Variants in KDM6A observed in about 807,000 individuals in gnomAD.
KDM6A encodes the protein lysine demethylase 6A.
A neutral mutation model predicts 117.6 loss-of-function variants in KDM6A; 11 were observed. That is an observed-to-expected ratio of 0.09 (90% confidence interval 0.06 to 0.15). The LOEUF (loss-of-function observed/expected upper bound fraction) is 0.15, where lower values mean the gene tolerates loss of function less well. KDM6A is among the 10% of genes least tolerant of loss of function. The pLI, the probability that KDM6A is intolerant of heterozygous loss-of-function variation, is 1.00. For synonymous variants in KDM6A, 384 were observed against 396.1 expected, an observed-to-expected ratio of 0.97 and a Z score of 0.36; for missense variants, 799 against 1,077.3, an observed-to-expected ratio of 0.74 and a Z score of 3.62.
rs1350363806 is a variant in KDM6A at position 45,089,680 on chromosome X, C to G, written c.3705-63C>G. 12 of 815,601 alleles carry G rather than the reference C, an allele frequency of 1.5e-5. No individual in the cohort carries two copies. In the Admixed American group the frequency reaches 3.2e-4, roughly 22 times the overall value. 67.2% of individuals were successfully genotyped at this position (815,601 alleles called of 1,213,427 possible). On this transcript the variant is annotated intron_variant, in intron 25 of 29. Coordinates refer to ENST00000611820, the MANE Select transcript of KDM6A (RefSeq NM_001291415.2). ...TTTAAAAAATTTGTGACATTTTCTT[C>G]CAGTCTTACTAGGAGCTTCTTAATG...
intron 2 of KDM6A, among the ~76,000 whole-genome samples, chrX:44,933,731 C>T (rs2036809094): frequency 9.1e-6 from 1 of 110,353 alleles, no homozygotes; most frequent in Non-Finnish European, 1.9e-5. Context: ...GTGCCCACCA[C>T]CATGCCTGGC....
At chrX:44,881,208 G>T (rs1011039605) in intron 2 of KDM6A, among the ~76,000 whole-genome samples, 3 of 112,775 alleles carry the variant, frequency 2.7e-5, no homozygotes, top group Non-Finnish European at 5.6e-5. Flanking sequence ...GCCGAGGCGG[G>T]CATCACGAGG....
At chrX:44,966,136 A>G (rs897319635) in intron 3 of KDM6A, among the ~76,000 whole-genome samples, 4 of 106,357 alleles carry the variant, frequency 3.8e-5, no homozygotes, top group Non-Finnish European at 7.7e-5. Context: ...ATATATATAT[A>G]TTTTTTTTTT....
intron 4 of KDM6A, among the ~76,000 whole-genome samples, chrX:45,010,140 A>G (rs761229362): frequency 9.9e-5 from 11 of 110,850 alleles, no homozygotes; most frequent in Non-Finnish European, 1.3e-4. Context: ...TTGATAAAAC[A>G]TATACTGGGT....
At chrX:45,039,026 C>T (rs60059269) in intron 8 of KDM6A, among the ~76,000 whole-genome samples, 5 of 111,044 alleles carry the variant, frequency 4.5e-5, no homozygotes, top group African/African-American at 9.8e-5. Context: ...TGCTACATCC[C>T]GTTATTTATA....
At chrX:45,093,108 G>A (rs1441806739) in intron 27 of KDM6A, among the ~76,000 whole-genome samples, 1 of 110,878 alleles carries the variant, frequency 9.0e-6, no homozygotes, top group Non-Finnish European at 1.9e-5. Context: ...TCTAGTGGGT[G>A]CAGTGGCTCA....
intron 27 of KDM6A, among the ~76,000 whole-genome samples, chrX:45,101,698 T>A (rs1191608655): frequency 1.8e-5 from 2 of 111,758 alleles, no homozygotes; most frequent in Non-Finnish European, 3.8e-5. Context: ...ATAACTTTAT[T>A]TCATTTTCTT....
chrX:45,040,189 G>C (rs1281816433), intron 8 of KDM6A, among the ~76,000 whole-genome samples: 1 of 91,893 alleles, frequency 1.1e-5, no homozygotes, highest in Non-Finnish European at 2.2e-5. Flanking sequence ...AGGCAGAGGG[G>C]CTCCTTACTT....
At chrX:45,100,025 C>A (rs2046277821) in intron 27 of KDM6A, among the ~76,000 whole-genome samples, 1 of 107,590 alleles carries the variant, frequency 9.3e-6, no homozygotes, top group Admixed American at 9.9e-5. Context: ...CGGAGCAAGA[C>A]TCTGTCTCAA....
At position 44,873,618 on chromosome X, in the gene KDM6A, A is replaced by G; in HGVS notation, c.67A>G (p.Lys23Glu). 3 of 1,204,222 alleles carry G rather than the reference A, an allele frequency of 2.5e-6. No individual in the cohort carries two copies. Among genetic ancestry groups the G allele is most frequent in the Non-Finnish European group, 2.2e-6 (2 of 891,887 alleles). ...AAAAAFGDEE[K>E]KMAAGKASGE... is the part of the protein sequence containing the mutation. ...CGCCGCCGCTTTCGGTGATGAGGAA[A>G]AGAAAATGGCGGCGGGAAAAGCGAG... Residue 23 changes from lysine (K) to glutamate (E), a missense_variant, in exon 1 of 30, where the codon AAG (lysine) becomes GAG (glutamate). Lys to Glu is a moderately conservative substitution (Grantham distance 56). Transcript: ENST00000611820.
intron 4 of KDM6A, among the ~76,000 whole-genome samples, chrX:44,982,490 A>G (rs1171359192): frequency 8.9e-6 from 1 of 111,964 alleles, no homozygotes; most frequent in Admixed American, 9.5e-5. Context: ...AATATCACAT[A>G]GTATTAGGTT....
chrX:45,035,250 C>T (rs1408116721), intron 7 of KDM6A, among the ~76,000 whole-genome samples: 2 of 111,565 alleles, frequency 1.8e-5, no homozygotes, highest in Non-Finnish European at 1.9e-5. Flanking sequence ...TTTTCTCTGT[C>T]GTGTATTATA....
intron 2 of KDM6A, among the ~76,000 whole-genome samples, chrX:44,883,771 A>T (rs769407464): frequency 1.8e-5 from 2 of 111,690 alleles, no homozygotes; most frequent in African/African-American, 6.5e-5. Flanking sequence ...TTTACCAGAC[A>T]TGTAGATGTA....
intron 2 of KDM6A, among the ~76,000 whole-genome samples, chrX:44,876,950 C>T (rs951345575): frequency 6.3e-5 from 7 of 110,947 alleles, no homozygotes; most frequent in African/African-American, 2.3e-4. Flanking sequence ...CACACGTATA[C>T]GTATATACGC....
rs751743576 is a variant in KDM6A at position 44,950,188 on chromosome X, G to A, written c.226-11096G>A. Among the ~76,000 whole-genome samples, 5 of 110,417 alleles carry A rather than the reference G, an allele frequency of 4.5e-5. No homozygotes were observed. The East Asian group carries it at 1.4e-3, about 32-fold the overall frequency. ...GTGCCACCATGCCTGGCTGATTTTT[G>A]TATTTTTAGTAGAGATGGGGTTTCA... On this transcript the variant is annotated intron_variant, in intron 2 of 29. Transcript: ENST00000611820.
At chrX:45,069,553 T>G (rs2044717338) in intron 17 of KDM6A, 26 bp from the exon 18 acceptor site, 5 of 1,185,762 alleles carry the variant, frequency 4.2e-6, no homozygotes, top group African/African-American at 1.7e-5. Context: ...TAATATTAGA[T>G]TTAAACTATT....
At chrX:44,967,015 G>A (rs180818229) in intron 3 of KDM6A, among the ~76,000 whole-genome samples, 12,510 of 108,494 alleles carry the variant, frequency 0.12, 878 homozygotes, top group African/African-American at 0.25. Flanking sequence ...GACTACAGGC[G>A]CCCGCCACCA....
At chrX:45,045,032 AC>A (rs2043466776) in intron 8 of KDM6A, among the ~76,000 whole-genome samples, 1 of 111,697 alleles carries the variant, frequency 9.0e-6, no homozygotes, top group African/African-American at 3.3e-5. Context: ...TCCAGCTGAT[AC>A]ATAAGTTTGT....
intron 2 of KDM6A, 37 bp downstream of exon 2, chrX:44,874,024 C>G (rs2031172015): frequency 1.7e-6 from 2 of 1,164,318 alleles, no homozygotes; most frequent in South Asian, 1.8e-5. Flanking sequence ...GACACCGTCT[C>G]CCTGGCCGGC....
Sources: gnomAD v4.1 joint callset for allele counts (sites outside exome capture counted in the v4.1 genomes callset) on GRCh38, gnomAD v4.1.1 for gene constraint, MANE v1.5 for transcripts, NCBI Gene and HGNC (gene_info 2026-07-23, HGNC 2026-07-21) for gene names.